ERMP1: variants seen among roughly 807,000 people sequenced by gnomAD.
The protein encoded by ERMP1 is Felix-ina.
In ERMP1, 86 loss-of-function variants were observed where a neutral mutation model predicts 92.0. That is an observed-to-expected ratio of 0.93 (90% CI 0.79 to 1.12). The LOEUF (loss-of-function observed/expected upper bound fraction) is 1.12. Ranked by LOEUF, ERMP1 falls within the 50% of genes most tolerant of loss-of-function variation. The pLI is 0.00. For missense variants in ERMP1, 1,342 were observed against 1,116.3 expected (o/e 1.20, Z -2.88); for synonymous variants, 530 against 412.8 (o/e 1.28, Z -3.44).
chr9:5,811,231 C>A lies in ERMP1; in HGVS notation c.1207G>T (p.Asp403Tyr). The A allele has an allele frequency of 1.2e-6, 2 of 1,613,426 alleles. No homozygotes were observed. The change falls in exon 7 of 15, where the codon GAT becomes TAT. Residue 403 changes from aspartate (D) to tyrosine (Y), a missense_variant. Transcript: ENST00000339450. ...GCAATGACAAACAGGCCCAGCACAT[C>A]AAAGAAGACCATGTTTCCATGTCGA... Reference protein sequence around the residue: ...KYRHGNMVFFDVLGLFVIAYP... With the variant: ...KYRHGNMVFFYVLGLFVIAYP...
intron 13 of ERMP1, 60 bp from the exon 14 acceptor site, chr9:5,787,653 C>G: frequency 6.5e-7 from 1 of 1,528,660 alleles, no homozygotes; most frequent in Non-Finnish European, 8.9e-7. Flanking sequence ...AAAAATAACC[C>G]ACAATCCAAA....
chr9:5,797,615 T>C (rs1828483641), intron 13 of ERMP1, among the ~76,000 whole-genome samples: 1 of 149,722 alleles, frequency 6.7e-6, no homozygotes, highest in Non-Finnish European at 1.5e-5. Context: ...ACCACTGCAC[T>C]CTAGCCTGGG....
upstream of ERMP1, among the ~76,000 whole-genome samples, chr9:5,834,801 G>A (rs1830066339): frequency 6.8e-6 from 1 of 147,594 alleles, no homozygotes; most frequent in South Asian, 2.2e-4. Context: ...CTGCCTGGCT[G>A]TTGGGGACGG....
intron 13 of ERMP1, among the ~76,000 whole-genome samples, chr9:5,795,054 A>C (rs894771846): frequency 6.6e-6 from 1 of 152,222 alleles, no homozygotes; most frequent in African/African-American, 2.4e-5. Context: ...CACCATAACC[A>C]AGTAGGATTT....
At chr9:5,859,439 T>C (rs1170602425) in intron 6 of ERMP1, among the ~76,000 whole-genome samples, 2 of 152,212 alleles carry the variant, frequency 1.3e-5, no homozygotes, top group East Asian at 1.9e-4. Context: ...AGGAATTTAA[T>C]AACTAATCTG....
At chr9:5,795,496 T>C (rs1005543935) in intron 13 of ERMP1, among the ~76,000 whole-genome samples, 3 of 152,216 alleles carry the variant, frequency 2.0e-5, no homozygotes, top group South Asian at 2.1e-4. Context: ...CTTAAAAGAA[T>C]AGGCTGGGCG....
chr9:5,845,025 A>AC (rs895795795), intron 6 of ERMP1, among the ~76,000 whole-genome samples: 1 of 150,048 alleles, frequency 6.7e-6, no homozygotes, highest in African/African-American at 2.5e-5. Context: ...ATGTCCCCCC[A>AC]CCCCCGCCAG....
Position 5,801,302 on chromosome 9 carries a change from G to C in ERMP1, c.1941C>G (p.Ser647Arg), listed in dbSNP as rs371939957. 100 of 1,612,372 alleles carry C rather than the reference G, an allele frequency of 6.2e-5. No homozygotes were observed. Among genetic ancestry groups the C allele is most frequent in the Non-Finnish European group, 8.1e-5 (95 of 1,179,320 alleles). Residue 647 changes from serine (S) to arginine (R), a missense_variant, in exon 11 of 15, where the codon AGC becomes AGG. Coordinates refer to ENST00000339450, the MANE Select transcript of ERMP1 (RefSeq NM_024896.3). ...YFINFIYLAK[S>R]TKKTMLTLTL... Reference sequence around the variant, plus strand: ...TTAAAGTTAGCATGGTTTTTTTTGTGCTCTTGGCAAGGTAGATGAAGTTAA... The same window carrying C: ...TTAAAGTTAGCATGGTTTTTTTTGTCCTCTTGGCAAGGTAGATGAAGTTAA...
chr9:5,831,294 C>T (rs186628629), intron 1 of ERMP1, among the ~76,000 whole-genome samples: 1 of 152,288 alleles, frequency 6.6e-6, no homozygotes, highest in Non-Finnish European at 1.5e-5. Context: ...AATACAAGGA[C>T]TAGGGATGTA....
chr9:5,837,027 G>C (rs1830103485), upstream of ERMP1, among the ~76,000 whole-genome samples: 1 of 152,182 alleles, frequency 6.6e-6, no homozygotes, highest in Non-Finnish European at 1.5e-5. Context: ...TGCATTGCTA[G>C]CTGAAGCCAC....
chr9:5,840,367 C>T (rs1018281468), intron 6 of ERMP1, among the ~76,000 whole-genome samples: 2 of 152,196 alleles, frequency 1.3e-5, no homozygotes, highest in Non-Finnish European at 2.9e-5. Context: ...GTGATTCCTA[C>T]ATAAGCTAAA....
chr9:5,820,214 G>A (rs1413832576), intron 4 of ERMP1, among the ~76,000 whole-genome samples: 3 of 152,084 alleles, frequency 2.0e-5, no homozygotes, highest in South Asian at 4.2e-4. Flanking sequence ...CAAGAGAATC[G>A]CTTGAACCCA....
intron 5 of ERMP1, among the ~76,000 whole-genome samples, chr9:5,865,070 T>C (rs1364458424): frequency 6.6e-6 from 1 of 152,206 alleles, no homozygotes; most frequent in Non-Finnish European, 1.5e-5. Flanking sequence ...TAGTAAATTA[T>C]GGTACAATTG....
At chr9:5,838,033 G>A (rs866282719), upstream of ERMP1, among the ~76,000 whole-genome samples, 24 of 152,196 alleles carry the variant, frequency 1.6e-4, no homozygotes, top group African/African-American at 4.1e-4. Flanking sequence ...CATGGGCCAG[G>A]ACTTGCAGTG....
At chr9:5,822,535 C>G (rs748202535) in intron 4 of ERMP1, among the ~76,000 whole-genome samples, 9 of 152,128 alleles carry the variant, frequency 5.9e-5, no homozygotes, top group Admixed American at 2.0e-4. Flanking sequence ...TGAAGACATA[C>G]TTAGCATAGT....
chr9:5,841,794 C>T (rs1052324159), intron 6 of ERMP1, among the ~76,000 whole-genome samples: 7 of 152,270 alleles, frequency 4.6e-5, no homozygotes, highest in Admixed American at 1.3e-4. Context: ...TTCTTGGTCT[C>T]GCTGACTTCA....
chr9:5,850,105 C>A (rs1830289057), intron 6 of ERMP1, among the ~76,000 whole-genome samples: 1 of 152,122 alleles, frequency 6.6e-6, no homozygotes. Context: ...AGGCCAGGGC[C>A]CAGGTCTCCC....
intron 6 of ERMP1, among the ~76,000 whole-genome samples, chr9:5,854,674 C>T (rs1412125974): frequency 2.0e-5 from 3 of 152,036 alleles, no homozygotes; most frequent in East Asian, 1.9e-4. Context: ...TACAGGCGTG[C>T]GTCACCATGC....
intron 6 of ERMP1, among the ~76,000 whole-genome samples, chr9:5,844,974 G>A (rs1394969118): frequency 6.6e-6 from 1 of 152,066 alleles, no homozygotes; most frequent in Non-Finnish European, 1.5e-5. Context: ...TGGCCCCTCT[G>A]GTAGTTTAGC....
Sources: gnomAD v4.1 joint callset for allele counts (sites outside exome capture counted in the v4.1 genomes callset) on GRCh38, gnomAD v4.1.1 for gene constraint, MANE v1.5 for transcripts, NCBI Gene and HGNC (gene_info 2026-07-23, HGNC 2026-07-21) for gene names.